Variants in SPOCK1 observed in about 807,000 individuals in gnomAD.
The protein encoded by SPOCK1 is SPARC (osteonectin), cwcv and kazal like domains proteoglycan 1.
SPOCK1 carries 23 observed loss-of-function variants against 55.3 expected under a neutral mutation model. That is an observed-to-expected ratio of 0.42 (90% CI 0.30 to 0.59). The LOEUF is 0.59. SPOCK1 is among the 20% of genes least tolerant of loss of function. The probability of loss-of-function intolerance (pLI) is 0.22; values close to 1 mark genes in which losing one functional copy is unlikely to be tolerated. For missense variants in SPOCK1, 499 were observed against 552.5 expected (o/e 0.90, Z 0.97); for synonymous variants, 226 against 221.0 (o/e 1.02, Z -0.20).
At chr5:137,478,797 G>A (rs1197220295) in intron 2 of SPOCK1, among the ~76,000 whole-genome samples, 1 of 151,916 alleles carries the variant, frequency 6.6e-6, no homozygotes, top group Non-Finnish European at 1.5e-5. Flanking sequence ...ATTTGACTAA[G>A]ACCAAAGTTC....
chr5:137,234,684 C>T lies in SPOCK1; in HGVS notation c.232+32326G>A, dbSNP rs371822253. ...ACAGGAAACAGACCTTAATTCCTCCCCTCCTCCCCTTGAGGGTGGGCTAGG... is the reference window on the plus strand; with the variant it reads ...ACAGGAAACAGACCTTAATTCCTCCTCTCCTCCCCTTGAGGGTGGGCTAGG... On this transcript the variant is annotated intron_variant, in intron 3 of 10. Coordinates refer to ENST00000394945, the MANE Select transcript of SPOCK1 (RefSeq NM_004598.4). Among the ~76,000 whole-genome samples, 8 of 152,108 alleles carry T rather than the reference C, an allele frequency of 5.3e-5. 1 individual carries two copies. In the East Asian group the frequency reaches 9.7e-4, roughly 18 times the overall value.
chr5:137,485,978 G>T (rs556905586), intron 2 of SPOCK1, among the ~76,000 whole-genome samples: 2 of 152,104 alleles, frequency 1.3e-5, no homozygotes, highest in Non-Finnish European at 2.9e-5. Context: ...GTGCACCTTC[G>T]ATCTCTGTAT....
chr5:137,494,083 C>T (rs80155052), intron 2 of SPOCK1, among the ~76,000 whole-genome samples: 2,338 of 152,226 alleles, frequency 0.015, 35 homozygotes, highest in Middle Eastern at 0.037. Flanking sequence ...TCTTCAGGCC[C>T]GCTAAAGGTA....
chr5:137,116,410 T>C (rs2127035112), intron 4 of SPOCK1, among the ~76,000 whole-genome samples: 1 of 152,268 alleles, frequency 6.6e-6, no homozygotes, highest in African/African-American at 2.4e-5. Context: ...TTTGGGAGGC[T>C]GAGGCGGGTG....
At chr5:137,250,423 T>C (rs905023609) in intron 3 of SPOCK1, among the ~76,000 whole-genome samples, 2 of 152,248 alleles carry the variant, frequency 1.3e-5, no homozygotes, top group South Asian at 2.1e-4. Context: ...TAATGATGTA[T>C]GAAATGCTCA....
intron 4 of SPOCK1, among the ~76,000 whole-genome samples, chr5:137,118,875 A>C (rs1223543484): frequency 6.6e-6 from 1 of 152,226 alleles, no homozygotes; most frequent in African/African-American, 2.4e-5. Flanking sequence ...TGAAGGAGTA[A>C]AGCAATTCCA....
intron 2 of SPOCK1, among the ~76,000 whole-genome samples, chr5:137,350,083 A>G (rs1455457958): frequency 2.0e-5 from 3 of 152,130 alleles, no homozygotes; most frequent in Non-Finnish European, 4.4e-5. Context: ...GCTAAGAGAC[A>G]TGTTCCTCTA....
chr5:137,485,990 C>A (rs1055064600), intron 2 of SPOCK1, among the ~76,000 whole-genome samples: 1 of 152,138 alleles, frequency 6.6e-6, no homozygotes, highest in Non-Finnish European at 1.5e-5. Context: ...TCTCTGTATG[C>A]TATGCTCCAA....
chr5:137,179,651 C>A (rs1156976387), intron 3 of SPOCK1, among the ~76,000 whole-genome samples: 3 of 152,120 alleles, frequency 2.0e-5, no homozygotes, highest in African/African-American at 7.2e-5. Context: ...TGCTCTATCT[C>A]CAGCAGAGAT....
intron 3 of SPOCK1, among the ~76,000 whole-genome samples, chr5:137,192,790 T>C (rs1218398145): frequency 1.3e-5 from 2 of 152,136 alleles, no homozygotes; most frequent in East Asian, 1.9e-4. Context: ...CTCAAGACTA[T>C]GTCAAGGAAA....
At chr5:136,979,793 C>A (rs1750693757) in intron 9 of SPOCK1, among the ~76,000 whole-genome samples, 1 of 152,056 alleles carries the variant, frequency 6.6e-6, no homozygotes, top group Admixed American at 6.6e-5. Flanking sequence ...ATCTCTTATT[C>A]CCACAACTCT....
intron 2 of SPOCK1, among the ~76,000 whole-genome samples, chr5:137,406,257 C>T (rs914141318): frequency 6.6e-6 from 1 of 152,142 alleles, no homozygotes; most frequent in Non-Finnish European, 1.5e-5. Flanking sequence ...TAGTGCTTGA[C>T]GCCAGTGCCA....
chr5:137,281,906 T>C (rs147529048), intron 2 of SPOCK1, among the ~76,000 whole-genome samples: 125 of 152,334 alleles, frequency 8.2e-4, no homozygotes, highest in Non-Finnish European at 1.6e-3. Flanking sequence ...AACGGTTCTG[T>C]TTCCTGGTCT....
At chr5:137,079,113 T>C (rs951031658) in intron 5 of SPOCK1, among the ~76,000 whole-genome samples, 1 of 152,222 alleles carries the variant, frequency 6.6e-6, no homozygotes, top group Non-Finnish European at 1.5e-5. Flanking sequence ...CCCAGGAGCC[T>C]GCAGTAGGCA....
intron 8 of SPOCK1, among the ~76,000 whole-genome samples, chr5:136,987,607 T>G (rs916132831): frequency 5.3e-5 from 8 of 152,350 alleles, no homozygotes; most frequent in Admixed American, 4.6e-4. Context: ...TACTTACCTT[T>G]CACTGAATAC....
chr5:137,009,867 G>T (rs1751318960), intron 6 of SPOCK1, among the ~76,000 whole-genome samples: 1 of 152,006 alleles, frequency 6.6e-6, no homozygotes, highest in Admixed American at 6.6e-5. Context: ...CTTGCCTGGT[G>T]CTTGGTCTCC....
chr5:137,008,315 C>CACACAT lies in SPOCK1; in HGVS notation c.590-15716_590-15715insATGTGT, dbSNP rs1205300096. On this transcript the variant is annotated intron_variant, in intron 6 of 10. Transcript: ENST00000394945. ...ATAAATACACACACACACACACACACACACACACACACACAATCAACACAG... is the reference window on the plus strand; with the variant it reads ...ATAAATACACACACACACACACACACACACATACACACACACACACAATCAACACAG... 2.6e-5 allele frequency among the ~76,000 whole-genome samples: 4 copies of CACACAT among 151,812 alleles called. No homozygotes were observed. The East Asian group carries it at 5.8e-4, about 22-fold the overall frequency.
intron 2 of SPOCK1, among the ~76,000 whole-genome samples, chr5:137,342,321 C>A (rs563001672): frequency 8.2e-4 from 125 of 152,194 alleles, no homozygotes; most frequent in Admixed American, 2.0e-3. Flanking sequence ...AATTAAAAAT[C>A]TGAAAGGTAT....
chr5:137,104,182 T>C (rs909013709), intron 5 of SPOCK1, among the ~76,000 whole-genome samples: 1 of 152,168 alleles, frequency 6.6e-6, no homozygotes, highest in African/African-American at 2.4e-5. Flanking sequence ...GATCCCCACT[T>C]TGGTGCCATT....
Sources: allele counts gnomAD v4.1 joint callset (sites outside exome capture counted in the v4.1 genomes callset), GRCh38; gene constraint gnomAD v4.1.1; transcripts MANE v1.5; gene names NCBI Gene and HGNC (gene_info 2026-07-23, HGNC 2026-07-21).